ENOX1: variants seen among roughly 807,000 people sequenced by gnomAD.
The protein encoded by ENOX1 is candidate growth-related and time keeping constitutive hydroquinone (NADH) oxidase.
ENOX1 carries 42 observed loss-of-function variants against 82.5 expected under a neutral mutation model. The ratio of observed to expected loss-of-function variants is 0.51; its 90% CI spans 0.40 to 0.66. The LOEUF is 0.66. Among genes scored for constraint, ENOX1 ranks in the 30% least tolerant of loss-of-function variants. The pLI is 0.00. For synonymous variants in ENOX1, 271 were observed against 282.2 expected, an observed-to-expected ratio of 0.96 and a Z score of 0.40; for missense variants, 608 against 811.6, an observed-to-expected ratio of 0.75 and a Z score of 3.05.
chr13:43,248,557 T>A (rs535794845), intron 14 of ENOX1, among the ~76,000 whole-genome samples: 6 of 152,190 alleles, frequency 3.9e-5, no homozygotes, highest in South Asian at 2.1e-4. Flanking sequence ...TAACTTTTAA[T>A]TTTTTTGGAG....
rs545542054 is a variant in ENOX1 at position 43,575,135 on chromosome 13, C to T, written c.-218-90983G>A. 1.3e-4 allele frequency among the ~76,000 whole-genome samples: 20 copies of T among 152,304 alleles called. No homozygotes were observed. In the South Asian group the frequency reaches 2.9e-3, roughly 22 times the overall value. On this transcript the variant is annotated intron_variant, in intron 2 of 16. Transcript: ENST00000690772. ...TACAAGTGTCCAGCATGGAGTGAAT[C>T]GCTTGGCCCTTTAATATTTAACTTC...
intron 5 of ENOX1, among the ~76,000 whole-genome samples, chr13:43,411,005 A>C (rs2153598347): frequency 6.6e-6 from 1 of 152,304 alleles, no homozygotes; most frequent in East Asian, 1.9e-4. Flanking sequence ...GAATGAATGA[A>C]TGAGTGAGTG....
intron 2 of ENOX1, among the ~76,000 whole-genome samples, chr13:43,615,620 T>A (rs1027303059): frequency 9.9e-5 from 15 of 152,176 alleles, no homozygotes; most frequent in African/African-American, 3.6e-4. Context: ...CTTTAAGTTC[T>A]GGGATACATG....
At chr13:43,365,680 T>C (rs1314030468) in intron 5 of ENOX1, among the ~76,000 whole-genome samples, 1 of 152,178 alleles carries the variant, frequency 6.6e-6, no homozygotes, top group Admixed American at 6.5e-5. Context: ...CAAGACAGGA[T>C]TCAGACAACA....
At chr13:43,655,730 C>T (rs1474287702) in intron 2 of ENOX1, among the ~76,000 whole-genome samples, 2 of 152,198 alleles carry the variant, frequency 1.3e-5, no homozygotes, top group African/African-American at 4.8e-5. Flanking sequence ...GCTCCCCACA[C>T]TCCCTTGCTC....
chr13:43,768,121 A>G (rs957672614), intron 1 of ENOX1, among the ~76,000 whole-genome samples: 2 of 152,118 alleles, frequency 1.3e-5, no homozygotes, highest in Non-Finnish European at 2.9e-5. Context: ...TCCTTCTTAC[A>G]TACATACATT....
chr13:43,638,183 T>C (rs1454492843), intron 2 of ENOX1, among the ~76,000 whole-genome samples: 4 of 152,192 alleles, frequency 2.6e-5, no homozygotes, highest in Non-Finnish European at 4.4e-5. Flanking sequence ...CTTGTAAATA[T>C]AGGTTGGTTA....
chr13:43,754,358 T>G (rs927549757), intron 1 of ENOX1, among the ~76,000 whole-genome samples: 1 of 149,640 alleles, frequency 6.7e-6, no homozygotes, highest in Non-Finnish European at 1.5e-5. Flanking sequence ...TATTTATTTT[T>G]TTTTTTTACT....
At chr13:43,670,528 T>C (rs1476875363) in intron 1 of ENOX1, among the ~76,000 whole-genome samples, 1 of 152,142 alleles carries the variant, frequency 6.6e-6, no homozygotes, top group African/African-American at 2.4e-5. Context: ...CCAATCAACA[T>C]AAGCCTTAAG....
chr13:43,262,811 T>G (rs1222655712), intron 14 of ENOX1, among the ~76,000 whole-genome samples: 2 of 152,186 alleles, frequency 1.3e-5, no homozygotes, highest in Non-Finnish European at 2.9e-5. Flanking sequence ...AAGAGAGAAT[T>G]AATACTTGTT....
intron 2 of ENOX1, among the ~76,000 whole-genome samples, chr13:43,650,282 A>G (rs748375513): frequency 3.9e-5 from 6 of 152,102 alleles, no homozygotes; most frequent in African/African-American, 7.2e-5. Flanking sequence ...TGAAGACCAC[A>G]TCTGTCTCTG....
intron 14 of ENOX1, among the ~76,000 whole-genome samples, chr13:43,238,532 C>T (rs948978608): frequency 1.3e-5 from 2 of 152,034 alleles, no homozygotes; most frequent in African/African-American, 4.8e-5. Context: ...GCCCTAAGGA[C>T]AAATAGGTCC....
At chr13:43,685,140 C>T (rs997384696) in intron 1 of ENOX1, among the ~76,000 whole-genome samples, 8 of 152,170 alleles carry the variant, frequency 5.3e-5, no homozygotes, top group Non-Finnish European at 1.0e-4. Context: ...AAAGAGTCTG[C>T]CGCAGCTTTC....
chr13:43,633,490 A>C (rs550082902), intron 2 of ENOX1, among the ~76,000 whole-genome samples: 1 of 152,324 alleles, frequency 6.6e-6, no homozygotes, highest in Admixed American at 6.5e-5. Flanking sequence ...ATCCACAAAT[A>C]AGTCCACGTG....
At chr13:43,745,113 C>A (rs144480794) in intron 1 of ENOX1, among the ~76,000 whole-genome samples, 3 of 151,980 alleles carry the variant, frequency 2.0e-5, no homozygotes, top group South Asian at 4.1e-4. Flanking sequence ...GAAGGCTTCA[C>A]AAGAGTGGAG....
At chr13:43,754,194 CATATGT>C (rs1321346349) in intron 1 of ENOX1, among the ~76,000 whole-genome samples, 1 of 137,122 alleles carries the variant, frequency 7.3e-6, no homozygotes, top group Non-Finnish European at 1.6e-5. Context: ...TGTATATATA[CATATGT>C]ATATGTATAT....
chr13:43,650,429 G>A (rs1005526709), intron 2 of ENOX1, among the ~76,000 whole-genome samples: 7 of 152,092 alleles, frequency 4.6e-5, no homozygotes, highest in African/African-American at 1.7e-4. Context: ...TATCGTTCAT[G>A]CCATAGTATA....
chr13:43,578,913 G>T (rs943655887), intron 2 of ENOX1, among the ~76,000 whole-genome samples: 4 of 151,782 alleles, frequency 2.6e-5, no homozygotes, highest in African/African-American at 4.8e-5. Context: ...TTCTATTCTA[G>T]AAGTCTTACT....
At chr13:43,462,466 A>G (rs1409079903) in intron 3 of ENOX1, among the ~76,000 whole-genome samples, 1 of 152,238 alleles carries the variant, frequency 6.6e-6, no homozygotes, top group Non-Finnish European at 1.5e-5. Context: ...TTATTAACTT[A>G]TATTACAATT....
Sources: gnomAD v4.1 joint callset for allele counts (sites outside exome capture counted in the v4.1 genomes callset) on GRCh38, gnomAD v4.1.1 for gene constraint, MANE v1.5 for transcripts, NCBI Gene and HGNC (gene_info 2026-07-23, HGNC 2026-07-21) for gene names.